Variants in ZNF385B observed in about 807,000 individuals in gnomAD.
The protein encoded by ZNF385B is zinc finger protein 533.
Under a neutral mutation model 39.2 loss-of-function variants are expected in ZNF385B, and 23 were observed. The ratio of observed to expected loss-of-function variants is 0.59; its 90% CI spans 0.42 to 0.83. ZNF385B has a LOEUF of 0.83. ZNF385B is among the 40% of genes least tolerant of loss of function. The probability of loss-of-function intolerance (pLI) is 0.00; values close to 1 mark genes in which losing one functional copy is unlikely to be tolerated. For missense variants in ZNF385B, 552 were observed against 598.9 expected, an observed-to-expected ratio of 0.92 and a Z score of 0.82; for synonymous variants, 205 against 222.6, an observed-to-expected ratio of 0.92 and a Z score of 0.70.
chr2:179,811,264 T>A lies in ZNF385B; in HGVS notation c.-154-40592A>T, dbSNP rs147497386. On this transcript the variant is annotated intron_variant, in intron 1 of 9. Coordinates refer to ENST00000410066, the MANE Select transcript of ZNF385B (RefSeq NM_152520.6). ...ATCTGCAGAGTCAACATTAATTCTA[T>A]CCCACTACCAGCATCATTTTTCACA... 1.9e-3 allele frequency among the ~76,000 whole-genome samples: 288 copies of A among 152,268 alleles called. 1 individual carries two copies. The highest frequency in any genetic ancestry group is 6.7e-3 in the African/African-American group (277 of 41,574).
At position 179,756,761 on chromosome 2, in the gene ZNF385B, C is replaced by T. The variant is rs1262116272; in HGVS notation, c.298+12742G>A. ...ACTGATACCCTTTCTTCCAGTTGAT[C>T]GAATCGGCTAGTGAGGCTTGTGCAG... On this transcript the variant is annotated intron_variant, in intron 3 of 9. Transcript: ENST00000410066. Among the ~76,000 whole-genome samples the T allele has an allele frequency of 5.3e-5, 8 of 152,142 alleles. No homozygotes were observed. In the East Asian group the frequency reaches 9.6e-4, roughly 18 times the overall value.
At chr2:179,552,131 T>C (rs2060613828) in intron 3 of ZNF385B, among the ~76,000 whole-genome samples, 1 of 149,454 alleles carries the variant, frequency 6.7e-6, no homozygotes. Context: ...TATGTCATAA[T>C]ACATCACAAT....
chr2:179,729,274 C>G (rs1026301496), intron 3 of ZNF385B, among the ~76,000 whole-genome samples: 1 of 152,052 alleles, frequency 6.6e-6, no homozygotes, highest in Admixed American at 6.6e-5. Flanking sequence ...ATTAATCAAG[C>G]AAACATCATT....
chr2:179,785,042 C>G (rs892372558), intron 1 of ZNF385B, among the ~76,000 whole-genome samples: 1 of 152,022 alleles, frequency 6.6e-6, no homozygotes, highest in Admixed American at 6.6e-5. Flanking sequence ...AGTACCCAGA[C>G]ATAATATAAT....
chr2:179,742,463 C>T (rs2106452739), intron 3 of ZNF385B, among the ~76,000 whole-genome samples: 1 of 152,028 alleles, frequency 6.6e-6, no homozygotes, highest in Non-Finnish European at 1.5e-5. Context: ...TAAGTATGTC[C>T]CAAATATTGC....
At chr2:179,735,971 A>G (rs1275816888) in intron 3 of ZNF385B, among the ~76,000 whole-genome samples, 1 of 150,020 alleles carries the variant, frequency 6.7e-6, no homozygotes, top group Non-Finnish European at 1.5e-5. Flanking sequence ...AGCATGGCAC[A>G]TGTACACGTA....
chr2:179,795,960 G>A (rs923443916), intron 1 of ZNF385B, among the ~76,000 whole-genome samples: 2 of 152,106 alleles, frequency 1.3e-5, no homozygotes, highest in African/African-American at 4.8e-5. Context: ...GACTACTATA[G>A]ACTATGCCAA....
intron 1 of ZNF385B, among the ~76,000 whole-genome samples, chr2:179,852,208 A>C (rs1268169530): frequency 1.3e-5 from 2 of 152,202 alleles, no homozygotes; most frequent in Non-Finnish European, 2.9e-5. Context: ...ATAGAGAAAG[A>C]AGCCTATTTC....
intron 1 of ZNF385B, among the ~76,000 whole-genome samples, chr2:179,778,904 T>C (rs1272738611): frequency 6.6e-6 from 1 of 152,198 alleles, no homozygotes; most frequent in Admixed American, 6.5e-5. Context: ...TTCTGGTCTT[T>C]TTCATTTATA....
intron 3 of ZNF385B, among the ~76,000 whole-genome samples, chr2:179,646,049 T>C (rs1193111364): frequency 6.6e-6 from 1 of 152,168 alleles, no homozygotes; most frequent in East Asian, 1.9e-4. Flanking sequence ...TAATGATCTC[T>C]AGCTGGCTCT....
At chr2:179,633,073 C>A (rs1478289118) in intron 3 of ZNF385B, among the ~76,000 whole-genome samples, 1 of 152,116 alleles carries the variant, frequency 6.6e-6, no homozygotes, top group Non-Finnish European at 1.5e-5. Context: ...AGCCTACCAA[C>A]TAAAAAATGT....
chr2:179,503,387 G>A (rs1559357547), intron 5 of ZNF385B, among the ~76,000 whole-genome samples: 1 of 152,134 alleles, frequency 6.6e-6, no homozygotes, highest in Non-Finnish European at 1.5e-5. Flanking sequence ...AATTAATGTA[G>A]TCCAATTTAA....
At chr2:179,573,476 T>C (rs1386267045) in intron 3 of ZNF385B, among the ~76,000 whole-genome samples, 1 of 152,152 alleles carries the variant, frequency 6.6e-6, no homozygotes, top group Non-Finnish European at 1.5e-5. Flanking sequence ...TAGGTTCAGT[T>C]TTTCTTGAAA....
chr2:179,649,602 T>C (rs1270866505), intron 3 of ZNF385B, among the ~76,000 whole-genome samples: 1 of 152,182 alleles, frequency 6.6e-6, no homozygotes, highest in Non-Finnish European at 1.5e-5. Context: ...ACACCAGATA[T>C]AGTACTAAGT....
intron 6 of ZNF385B, among the ~76,000 whole-genome samples, chr2:179,467,728 CT>C: frequency 6.6e-6 from 1 of 151,834 alleles, no homozygotes; most frequent in Non-Finnish European, 1.5e-5. Context: ...CATATCTTGA[CT>C]TTTAGACTAA....
At chr2:179,483,928 G>A (rs1213121822) in intron 5 of ZNF385B, among the ~76,000 whole-genome samples, 1 of 152,146 alleles carries the variant, frequency 6.6e-6, no homozygotes, top group African/African-American at 2.4e-5. Context: ...GTGCTACTGA[G>A]TGAAAATGAC....
chr2:179,807,607 A>G (rs570880523), intron 1 of ZNF385B, among the ~76,000 whole-genome samples: 73 of 151,772 alleles, frequency 4.8e-4, no homozygotes, highest in African/African-American at 1.7e-3. Context: ...AAAAAAGAGT[A>G]AAAAAAGGCC....
intron 4 of ZNF385B, among the ~76,000 whole-genome samples, chr2:179,537,314 AAAT>A (rs2059632453): frequency 7.1e-6 from 1 of 141,768 alleles, no homozygotes; most frequent in African/African-American, 2.8e-5. Context: ...AAAAAAAAAA[AAAT>A]AAATAAAAAA....
chr2:179,543,801 C>A (rs2060067059), intron 4 of ZNF385B, among the ~76,000 whole-genome samples: 1 of 152,148 alleles, frequency 6.6e-6, no homozygotes, highest in Non-Finnish European at 1.5e-5. Context: ...TACCTTCCAG[C>A]ACTAAGCCCT....
Sources: allele counts gnomAD v4.1 joint callset (sites outside exome capture counted in the v4.1 genomes callset), GRCh38; gene constraint gnomAD v4.1.1; transcripts MANE v1.5; gene names NCBI Gene and HGNC (gene_info 2026-07-23, HGNC 2026-07-21).